XYLT1: variants seen among roughly 807,000 people sequenced by gnomAD.
The protein encoded by XYLT1 is beta-D-xylosyltransferase 1.
In XYLT1, 36 loss-of-function variants were observed where a neutral mutation model predicts 91.3. That is an observed-to-expected ratio of 0.39 (90% CI 0.30 to 0.52). The LOEUF (loss-of-function observed/expected upper bound fraction) is 0.52, where lower values mean the gene tolerates loss of function less well. XYLT1 is among the 20% of genes least tolerant of loss of function. The pLI, the probability that XYLT1 is intolerant of heterozygous loss-of-function variation, is 0.68. For synonymous variants in XYLT1, 588 were observed against 532.0 expected, an observed-to-expected ratio of 1.11 and a Z score of -1.45; for missense variants, 1,242 against 1,284.5, an observed-to-expected ratio of 0.97 and a Z score of 0.51.
intron 2 of XYLT1, among the ~76,000 whole-genome samples, chr16:17,356,738 C>A (rs1213567133): frequency 6.6e-6 from 1 of 152,198 alleles, no homozygotes; most frequent in Non-Finnish European, 1.5e-5. Context: ...AAGCTATTCA[C>A]TGTGGGGCTC....
chr16:17,352,541 C>G (rs1460290367), intron 2 of XYLT1, among the ~76,000 whole-genome samples: 1 of 152,194 alleles, frequency 6.6e-6, no homozygotes, highest in East Asian at 1.9e-4. Flanking sequence ...CCCAGACATA[C>G]TACGCAAAAA....
At chr16:17,335,208 G>A (rs2034961334) in intron 2 of XYLT1, among the ~76,000 whole-genome samples, 3 of 151,242 alleles carry the variant, frequency 2.0e-5, no homozygotes, top group South Asian at 4.2e-4. Flanking sequence ...GACAGAGTGA[G>A]ACTCTGTCTC....
chr16:17,404,982 C>A (rs1177149784), intron 1 of XYLT1, among the ~76,000 whole-genome samples: 1 of 152,162 alleles, frequency 6.6e-6, no homozygotes, highest in Non-Finnish European at 1.5e-5. Context: ...TGTAATATTG[C>A]CACACACAAG....
At chr16:17,441,907 T>C (rs963514091) in intron 1 of XYLT1, among the ~76,000 whole-genome samples, 40 of 152,326 alleles carry the variant, frequency 2.6e-4, no homozygotes, top group African/African-American at 9.6e-4. Flanking sequence ...TCTGTGATGG[T>C]TAATTTAATG....
intron 3 of XYLT1, among the ~76,000 whole-genome samples, chr16:17,238,017 G>A (rs1475316778): frequency 2.0e-5 from 3 of 152,156 alleles, no homozygotes; most frequent in East Asian, 1.9e-4. Context: ...GCATCCTTTC[G>A]GTGAGGGCAG....
At chr16:17,357,417 C>CA (rs2035317758) in intron 2 of XYLT1, among the ~76,000 whole-genome samples, 1 of 152,098 alleles carries the variant, frequency 6.6e-6, no homozygotes, top group African/African-American at 2.4e-5. Context: ...AAGGCCTATA[C>CA]TCATAGCTGC....
intron 2 of XYLT1, among the ~76,000 whole-genome samples, chr16:17,323,868 G>C (rs1369095089): frequency 6.6e-6 from 1 of 152,206 alleles, no homozygotes; most frequent in Non-Finnish European, 1.5e-5. Context: ...GACACAGAAA[G>C]TTCCGAAGCG....
In XYLT1 at chr16:17,138,527, A is replaced by AAGGACTGCAGGGGAGAGAG; in HGVS notation, c.1588-15_1591dup (p.Phe531SerfsTer54). On this transcript the variant is annotated frameshift_variant, in exon 8 of 12. Transcript: ENST00000261381. LOFTEE classifies it high-confidence loss of function. ...GCTGTTCTCCAGGACCGTATGGAAG[A>AAGGACTGCAGGGGAGAGAG]AGGACTGCAGGGGAGAGAGGGACCC... 1 of 1,613,848 alleles carries AAGGACTGCAGGGGAGAGAG rather than the reference A, an allele frequency of 6.2e-7. No homozygotes were observed. Among genetic ancestry groups the AAGGACTGCAGGGGAGAGAG allele is most frequent in the Non-Finnish European group, 8.5e-7 (1 of 1,179,806 alleles).
chr16:17,393,801 A>C (rs1489375153), intron 1 of XYLT1, among the ~76,000 whole-genome samples: 2 of 151,796 alleles, frequency 1.3e-5, no homozygotes, highest in Non-Finnish European at 2.9e-5. Context: ...TTTGAGATGG[A>C]GCCTTGCTCT....
rs189931112 is a variant in XYLT1 at position 17,410,711 on chromosome 16, T to A, written c.364-52661A>T. Among the ~76,000 whole-genome samples, 636 of 151,556 alleles carry A rather than the reference T, an allele frequency of 4.2e-3. 2 individuals carry two copies. The highest frequency in any genetic ancestry group is 0.015 in the African/African-American group (612 of 41,244). ...GGCCCAAGCTGGAGTGGTGTGATCTTGGCTCACTGCAACCTCTGCCTCCTA... is the reference window on the plus strand; with the variant it reads ...GGCCCAAGCTGGAGTGGTGTGATCTAGGCTCACTGCAACCTCTGCCTCCTA... On this transcript the variant is annotated intron_variant, in intron 1 of 11. Coordinates refer to ENST00000261381, the MANE Select transcript of XYLT1 (RefSeq NM_022166.4).
intron 1 of XYLT1, among the ~76,000 whole-genome samples, chr16:17,414,065 T>A (rs1436267082): frequency 6.6e-6 from 1 of 152,154 alleles, no homozygotes; most frequent in Non-Finnish European, 1.5e-5. Flanking sequence ...GTAAAGGTTC[T>A]GGCCTAGATT....
intron 1 of XYLT1, among the ~76,000 whole-genome samples, chr16:17,452,721 T>C (rs2036682888): frequency 6.6e-6 from 1 of 152,208 alleles, no homozygotes; most frequent in Non-Finnish European, 1.5e-5. Flanking sequence ...TATCTTATTG[T>C]TTTATGAAGG....
chr16:17,199,120 C>T (rs1483086771), intron 4 of XYLT1, among the ~76,000 whole-genome samples: 1 of 152,186 alleles, frequency 6.6e-6, no homozygotes, highest in African/African-American at 2.4e-5. Context: ...CATCTAAACC[C>T]ATGTATATTT....
At chr16:17,331,428 A>G (rs2034897641) in intron 2 of XYLT1, among the ~76,000 whole-genome samples, 2 of 152,198 alleles carry the variant, frequency 1.3e-5, no homozygotes, top group Admixed American at 1.3e-4. Flanking sequence ...ACCAATCCTC[A>G]TTTAGTCTGT....
intron 2 of XYLT1, among the ~76,000 whole-genome samples, chr16:17,292,385 A>T (rs1178613419): frequency 2.0e-5 from 3 of 152,206 alleles, no homozygotes; most frequent in Non-Finnish European, 2.9e-5. Flanking sequence ...TTCACAAAAA[A>T]AACTCTCCCA....
chr16:17,399,631 T>C (rs1192475078), intron 1 of XYLT1, among the ~76,000 whole-genome samples: 1 of 152,182 alleles, frequency 6.6e-6, no homozygotes, highest in Non-Finnish European at 1.5e-5. Flanking sequence ...CAACAAATTA[T>C]CTCACAGCTG....
At chr16:17,449,981 G>T (rs1157882059) in intron 1 of XYLT1, among the ~76,000 whole-genome samples, 1 of 152,174 alleles carries the variant, frequency 6.6e-6, no homozygotes, top group Non-Finnish European at 1.5e-5. Context: ...TTCCACCACT[G>T]GGAATAACCT....
chr16:17,331,954 G>A (rs973439312), intron 2 of XYLT1, among the ~76,000 whole-genome samples: 3 of 152,220 alleles, frequency 2.0e-5, no homozygotes, highest in African/African-American at 7.2e-5. Flanking sequence ...TACAGTGCCT[G>A]CCTATCCCTG....
intron 3 of XYLT1, among the ~76,000 whole-genome samples, chr16:17,206,318 A>G (rs2032643202): frequency 6.6e-6 from 1 of 151,968 alleles, no homozygotes; most frequent in Non-Finnish European, 1.5e-5. Context: ...TCCTAGTGGG[A>G]AATTTTAAAA....
Sources: allele counts gnomAD v4.1 joint callset (sites outside exome capture counted in the v4.1 genomes callset), GRCh38; gene constraint gnomAD v4.1.1; transcripts MANE v1.5; gene names NCBI Gene and HGNC (gene_info 2026-07-23, HGNC 2026-07-21).